The following RAD51B variants were observed in gnomAD, a reference collection of about 807,000 sequenced individuals.
RAD51B encodes RAD51 paralog B.
In RAD51B, 38 loss-of-function variants were observed where a neutral mutation model predicts 42.2. The ratio of observed to expected loss-of-function variants is 0.90; its 90% CI spans 0.70 to 1.18. RAD51B has a LOEUF of 1.18. Ranked by LOEUF, RAD51B falls within the 50% of genes most tolerant of loss-of-function variation. RAD51B has a pLI of 0.00. For missense variants in RAD51B, 373 were observed against 400.7 expected, an observed-to-expected ratio of 0.93 and a Z score of 0.59; for synonymous variants, 154 against 145.2, an observed-to-expected ratio of 1.06 and a Z score of -0.43.
At chr14:68,318,632 G>A (rs545564655) in intron 8 of RAD51B, among the ~76,000 whole-genome samples, 1 of 152,294 alleles carries the variant, frequency 6.6e-6, no homozygotes, top group African/African-American at 2.4e-5. Context: ...CCTACCGTGT[G>A]GCCTTGTTCA....
chr14:67,909,317 G>A (rs996851153), intron 7 of RAD51B, among the ~76,000 whole-genome samples: 1 of 152,196 alleles, frequency 6.6e-6, no homozygotes, highest in African/African-American at 2.4e-5. Context: ...GAGATATTTT[G>A]TAGACACTGA....
intron 10 of RAD51B, among the ~76,000 whole-genome samples, chr14:68,640,148 T>G (rs928251692): frequency 1.3e-4 from 20 of 152,208 alleles, no homozygotes; most frequent in Non-Finnish European, 2.2e-4. Context: ...TCCCTAATAC[T>G]TTCCGTAAGC....
chr14:67,890,013 G>A (rs1385659685), intron 7 of RAD51B, among the ~76,000 whole-genome samples: 1 of 152,132 alleles, frequency 6.6e-6, no homozygotes, highest in Non-Finnish European at 1.5e-5. Context: ...TCTTTTTAAA[G>A]TGTTCACACT....
chr14:68,393,779 C>A (rs2083830940), intron 8 of RAD51B, among the ~76,000 whole-genome samples: 1 of 152,126 alleles, frequency 6.6e-6, no homozygotes, highest in Non-Finnish European at 1.5e-5. Flanking sequence ...ATTTAGGGCC[C>A]CCTTTTAACT....
chr14:68,477,839 G>A lies in RAD51B; in HGVS notation c.*175G>A. 1 of 1,440,176 alleles carries A rather than the reference G, an allele frequency of 6.9e-7. No homozygotes were observed. The highest frequency in any genetic ancestry group is 2.9e-5 in the Admixed American group (1 of 33,926). 89.2% of individuals were successfully genotyped at this position (1,440,176 alleles called of 1,614,324 possible). The stretch of plus-strand genomic sequence containing the variant: ...CATTGAGCTAGCGATTTCAGACCTA[G>A]CAGGGAAGGTGAAGATGAAGAAGCC... On this transcript the variant is annotated 3_prime_UTR_variant, in exon 11 of 11. Coordinates refer to ENST00000471583, the MANE Select transcript of RAD51B (RefSeq NM_133510.4).
intron 7 of RAD51B, among the ~76,000 whole-genome samples, chr14:67,993,773 T>C (rs1353275119): frequency 6.6e-6 from 1 of 152,182 alleles, no homozygotes; most frequent in African/African-American, 2.4e-5. Context: ...CTCCAAACTG[T>C]TCTCCATAGT....
chr14:68,523,259 T>C (rs1463519926), intron 10 of RAD51B, among the ~76,000 whole-genome samples: 1 of 152,126 alleles, frequency 6.6e-6, no homozygotes, highest in African/African-American at 2.4e-5. Context: ...TGCCCTGGGA[T>C]GGGAAGCCTG....
At position 68,059,768 on chromosome 14, in the gene RAD51B, A is replaced by G. The variant is rs562501222; in HGVS notation, c.756+172564A>G. ...TGTCTTTTTCCCTCAGGAGATCACAATCACTTTGAGAGCAGTGGCAATATC... is the reference window on the plus strand; with the variant it reads ...TGTCTTTTTCCCTCAGGAGATCACAGTCACTTTGAGAGCAGTGGCAATATC... On this transcript the variant is annotated intron_variant, in intron 7 of 10. Transcript: ENST00000471583. 3.3e-5 allele frequency among the ~76,000 whole-genome samples: 5 copies of G among 152,296 alleles called. No homozygotes were observed. In the Middle Eastern group the frequency reaches 0.014, roughly 414 times the overall value.
intron 7 of RAD51B, among the ~76,000 whole-genome samples, chr14:68,291,565 G>C (rs1309664293): frequency 6.6e-6 from 1 of 152,190 alleles, no homozygotes; most frequent in African/African-American, 2.4e-5. Context: ...GTGGTTAGCT[G>C]CCTATTATTT....
chr14:68,220,388 A>G (rs376962037), intron 7 of RAD51B, among the ~76,000 whole-genome samples: 3 of 152,246 alleles, frequency 2.0e-5, no homozygotes, highest in East Asian at 3.9e-4. Flanking sequence ...CAAGAGACAC[A>G]GAAAAAGCAT....
intron 7 of RAD51B, among the ~76,000 whole-genome samples, chr14:67,901,483 C>T (rs1047213918): frequency 6.6e-6 from 1 of 152,158 alleles, no homozygotes; most frequent in South Asian, 2.1e-4. Flanking sequence ...TCTCTATCTG[C>T]CTAAACTGCC....
intron 7 of RAD51B, among the ~76,000 whole-genome samples, chr14:68,107,629 T>G (rs2077396488): frequency 6.6e-6 from 1 of 151,816 alleles, no homozygotes; most frequent in Non-Finnish European, 1.5e-5. Context: ...AAAATACAGA[T>G]CCATGAATTA....
At chr14:68,231,839 C>T (rs544079903) in intron 7 of RAD51B, among the ~76,000 whole-genome samples, 1 of 152,138 alleles carries the variant, frequency 6.6e-6, no homozygotes, top group East Asian at 1.9e-4. Flanking sequence ...GAAACAGGGA[C>T]AGGAGACCAA....
intron 7 of RAD51B, among the ~76,000 whole-genome samples, chr14:68,175,843 C>G (rs1182209426): frequency 2.6e-5 from 4 of 152,190 alleles, no homozygotes; most frequent in African/African-American, 9.7e-5. Flanking sequence ...TCTCAGCCTC[C>G]ATTTCCTCAT....
chr14:68,189,040 G>C (rs559047058), intron 7 of RAD51B, among the ~76,000 whole-genome samples: 124 of 152,038 alleles, frequency 8.2e-4, no homozygotes, highest in African/African-American at 2.9e-3. Flanking sequence ...TGCTGCTATA[G>C]TTTAACTTAC....
intron 7 of RAD51B, among the ~76,000 whole-genome samples, chr14:68,067,499 G>C (rs1595351973): frequency 6.8e-6 from 1 of 147,320 alleles, no homozygotes; most frequent in African/African-American, 2.5e-5. Context: ...AACAGGAAAA[G>C]AAAAAGAAAT....
chr14:68,528,575 C>T (rs1443154202), intron 10 of RAD51B, among the ~76,000 whole-genome samples: 1 of 152,030 alleles, frequency 6.6e-6, no homozygotes, highest in Non-Finnish European at 1.5e-5. Flanking sequence ...AGGAGGGTGG[C>T]ATGAAGAGCA....
chr14:68,541,408 C>T (rs371460565), intron 10 of RAD51B: 175 of 985,312 alleles, frequency 1.8e-4, no homozygotes, highest in Admixed American at 1.6e-3. Context: ...GCACAGTCCT[C>T]ACAGAGTGTG....
At chr14:68,269,788 G>T (rs2081069388) in intron 7 of RAD51B, among the ~76,000 whole-genome samples, 1 of 152,138 alleles carries the variant, frequency 6.6e-6, no homozygotes, top group African/African-American at 2.4e-5. Flanking sequence ...ACTCAATGAG[G>T]GATTGAATTG....
Sources: allele counts gnomAD v4.1 joint callset (sites outside exome capture counted in the v4.1 genomes callset), GRCh38; gene constraint gnomAD v4.1.1; transcripts MANE v1.5; gene names NCBI Gene and HGNC (gene_info 2026-07-23, HGNC 2026-07-21).